ADAMTSL1: variants seen among roughly 807,000 people sequenced by gnomAD.
ADAMTSL1 encodes the protein ADAMTS like 1, also known as ADAMTS-like protein 1.
ADAMTSL1 carries 126 observed loss-of-function variants against 201.8 expected under a neutral mutation model. The ratio of observed to expected loss-of-function variants is 0.62; its 90% CI spans 0.54 to 0.72. ADAMTSL1 has a LOEUF of 0.72. Among genes scored for constraint, ADAMTSL1 ranks in the 30% least tolerant of loss-of-function variants. The pLI is 0.00. For missense variants in ADAMTSL1, 2,679 were observed against 2,277.8 expected, an observed-to-expected ratio of 1.18 and a Z score of -3.59; for synonymous variants, 1,121 against 903.4, an observed-to-expected ratio of 1.24 and a Z score of -4.32.
At chr9:18,377,432 A>T (rs1684881728) in intron 2 of ADAMTSL1, among the ~76,000 whole-genome samples, 1 of 152,208 alleles carries the variant, frequency 6.6e-6, no homozygotes, top group Non-Finnish European at 1.5e-5. Flanking sequence ...GACTGTGAAA[A>T]CTTAAATCAT....
chr9:18,390,742 A>T (rs1244254373), intron 2 of ADAMTSL1, among the ~76,000 whole-genome samples: 1 of 152,166 alleles, frequency 6.6e-6, no homozygotes, highest in Non-Finnish European at 1.5e-5. Context: ...CGTTTTCTCG[A>T]GACACAACTC....
chr9:17,993,144 G>A (rs1819230467), intron 1 of ADAMTSL1, among the ~76,000 whole-genome samples: 1 of 151,972 alleles, frequency 6.6e-6, no homozygotes, highest in African/African-American at 2.4e-5. Flanking sequence ...AGCTCCTTAT[G>A]GAAAGGAAGA....
chr9:17,991,215 A>G (rs376709362), intron 1 of ADAMTSL1, among the ~76,000 whole-genome samples: 1 of 152,154 alleles, frequency 6.6e-6, no homozygotes, highest in East Asian at 1.9e-4. Context: ...AATTCCAGAG[A>G]AGGATCAGTG....
intron 1 of ADAMTSL1, among the ~76,000 whole-genome samples, chr9:17,930,510 A>T (rs1394478878): frequency 6.6e-6 from 1 of 152,074 alleles, no homozygotes; most frequent in African/African-American, 2.4e-5. Flanking sequence ...GGCTGGGAGG[A>T]TAGCTGTGAG....
intron 2 of ADAMTSL1, among the ~76,000 whole-genome samples, chr9:18,401,167 C>T (rs60085352): frequency 0.023 from 3,527 of 152,214 alleles, 155 homozygotes; most frequent in African/African-American, 0.081. Context: ...CTCGTATGAA[C>T]ACATTGCAAG....
intron 2 of ADAMTSL1, among the ~76,000 whole-genome samples, chr9:18,523,388 G>A (rs1239478311): frequency 1.3e-5 from 2 of 152,086 alleles, no homozygotes; most frequent in Non-Finnish European, 2.9e-5. Context: ...CCATTCTGTA[G>A]GTTGCCTGTT....
At chr9:18,428,354 T>C (rs1819322816) in intron 2 of ADAMTSL1, among the ~76,000 whole-genome samples, 1 of 150,952 alleles carries the variant, frequency 6.6e-6, no homozygotes, top group South Asian at 2.1e-4. Flanking sequence ...TTCCAGCACC[T>C]TGTGAGTCCA....
chr9:18,396,886 C>T (rs1817774248), intron 2 of ADAMTSL1, among the ~76,000 whole-genome samples: 1 of 152,108 alleles, frequency 6.6e-6, no homozygotes, highest in Admixed American at 6.6e-5. Flanking sequence ...AAAACAAAAG[C>T]AAGAAACAAA....
chr9:18,755,488 T>C (rs925141186), intron 16 of ADAMTSL1, among the ~76,000 whole-genome samples: 1 of 152,236 alleles, frequency 6.6e-6, no homozygotes, highest in Non-Finnish European at 1.5e-5. Flanking sequence ...TTTTTTATGG[T>C]TATAGGTCTT....
intron 2 of ADAMTSL1, among the ~76,000 whole-genome samples, chr9:18,187,550 T>G (rs1476380687): frequency 6.6e-6 from 1 of 152,138 alleles, no homozygotes; most frequent in Non-Finnish European, 1.5e-5. Context: ...AAAATTTAAA[T>G]ATGTGTATAC....
chr9:17,944,186 C>G (rs892422089), intron 1 of ADAMTSL1, among the ~76,000 whole-genome samples: 18 of 151,982 alleles, frequency 1.2e-4, no homozygotes, highest in African/African-American at 4.4e-4. Flanking sequence ...AAACAGAGAG[C>G]CAAATCATGA....
chr9:18,360,023 A>G (rs1462341363), intron 2 of ADAMTSL1, among the ~76,000 whole-genome samples: 1 of 152,078 alleles, frequency 6.6e-6, no homozygotes, highest in African/African-American at 2.4e-5. Flanking sequence ...AACATCTAGC[A>G]AAGTACTTGG....
intron 1 of ADAMTSL1, among the ~76,000 whole-genome samples, chr9:17,931,048 A>G (rs1342817587): frequency 1.3e-5 from 2 of 152,158 alleles, no homozygotes; most frequent in East Asian, 1.9e-4. Context: ...AATAAAAACC[A>G]GTTCTCCATC....
At chr9:18,003,746 A>G (rs1483698838) in intron 1 of ADAMTSL1, among the ~76,000 whole-genome samples, 1 of 152,018 alleles carries the variant, frequency 6.6e-6, no homozygotes, top group East Asian at 1.9e-4. Context: ...TTTCAAACCA[A>G]ACTTCTTCTT....
chr9:18,564,304 C>T (rs1022992245), intron 3 of ADAMTSL1, among the ~76,000 whole-genome samples: 9 of 152,214 alleles, frequency 5.9e-5, no homozygotes, highest in Admixed American at 2.0e-4. Flanking sequence ...TGAGGCGACG[C>T]ACCACCCTGC....
intron 1 of ADAMTSL1, among the ~76,000 whole-genome samples, chr9:18,035,145 A>G (rs775193682): frequency 2.0e-5 from 3 of 152,200 alleles, no homozygotes; most frequent in Non-Finnish European, 2.9e-5. Flanking sequence ...TTAAGTTAGT[A>G]TGTTACTAAA....
At chr9:18,570,483 A>G (rs1822227686) in intron 3 of ADAMTSL1, among the ~76,000 whole-genome samples, 1 of 152,208 alleles carries the variant, frequency 6.6e-6, no homozygotes, top group East Asian at 1.9e-4. Flanking sequence ...CAAACAAAGA[A>G]TGTTTGCCAA....
chr9:18,503,178 T>C (rs114417128), intron 1 of ADAMTSL1, among the ~76,000 whole-genome samples: 3,595 of 151,736 alleles, frequency 0.024, 133 homozygotes, highest in African/African-American at 0.082. Flanking sequence ...CTAACTGAAA[T>C]TCTGCATCCA....
At chr9:18,387,274 A>G (rs1837836080) in intron 2 of ADAMTSL1, among the ~76,000 whole-genome samples, 1 of 152,152 alleles carries the variant, frequency 6.6e-6, no homozygotes, top group Non-Finnish European at 1.5e-5. Flanking sequence ...CATACACAAT[A>G]GTCAACTTGT....
Sources: allele counts gnomAD v4.1 joint callset (sites outside exome capture counted in the v4.1 genomes callset), GRCh38; gene constraint gnomAD v4.1.1; transcripts MANE v1.5; gene names NCBI Gene and HGNC (gene_info 2026-07-23, HGNC 2026-07-21).